ZNF595: variants seen among roughly 807,000 people sequenced by gnomAD.
The protein encoded by ZNF595 is zinc finger protein 595.
A neutral mutation model predicts 19.4 loss-of-function variants in ZNF595; 9 were observed. That is an observed-to-expected ratio of 0.46 (90% CI 0.28 to 0.81). The LOEUF (loss-of-function observed/expected upper bound fraction) is 0.81, where lower values mean the gene tolerates loss of function less well. Among genes scored for constraint, ZNF595 ranks in the 30% least tolerant of loss-of-function variants. ZNF595 has a pLI of 0.11. For synonymous variants in ZNF595, 255 were observed against 255.9 expected (o/e 1.00, Z 0.03); for missense variants, 729 against 736.0 (o/e 0.99, Z 0.11).
chr4:86,153 A>C lies in ZNF595; in HGVS notation c.649A>C (p.Lys217Gln). Residue 217 changes from lysine (K) to glutamine (Q), a missense_variant, in exon 4 of 4, where the codon AAA becomes CAA. Lys to Gln is a moderately conservative substitution (Grantham distance 53). Around this residue, in one of 2 missense-constraint regions of ZNF595, gnomAD observed 729 missense variants for 675.3 expected, o/e 1.08. Transcript: ENST00000610261. Reference sequence around the variant, plus strand: ...CTTTAATAGGTCCACATCACTTAGTAAACATAAGAGAATTCATACTGGAGA... The same window carrying C: ...CTTTAATAGGTCCACATCACTTAGTCAACATAAGAGAATTCATACTGGAGA... ...KAFNRSTSLS[K>Q]HKRIHTGEKP... 5.0e-6 allele frequency: 8 copies of C among 1,613,262 alleles called. No individual in the cohort carries two copies. The highest frequency in any genetic ancestry group is 6.8e-6 in the Non-Finnish European group (8 of 1,179,654).
intron 3 of ZNF595, among the ~76,000 whole-genome samples, chr4:82,299 T>G (rs1318158168): frequency 5.3e-5 from 8 of 151,996 alleles, no homozygotes; most frequent in Admixed American, 5.2e-4. Context: ...TCTTCATATT[T>G]GAAACTTTGA....
chr4:80,239 A>G (rs7664056), intron 3 of ZNF595, among the ~76,000 whole-genome samples: 15,083 of 152,164 alleles, frequency 0.099, 809 homozygotes, highest in South Asian at 0.17. Flanking sequence ...GGCTGGTCTC[A>G]AACTCCTGAC....
At position 86,981 on chromosome 4, in the gene ZNF595, G is replaced by T. The variant is rs374778353; in HGVS notation, c.1477G>T (p.Ala493Ser). The T allele has an allele frequency of 1.9e-6, 3 of 1,592,294 alleles. No homozygotes were observed. The highest frequency in any genetic ancestry group is 2.6e-6 in the Non-Finnish European group (3 of 1,170,576). Residue 493 changes from alanine (A) to serine (S), a missense_variant, in exon 4 of 4, where the codon GCA becomes TCA. This residue lies in a region of ZNF595 where 729 missense variants were observed against 675.3 expected (regional missense o/e 1.08). Transcript: ENST00000610261. ...EECGKAFIWS[A>S]SLNEHKNIHT... ...ATGTGGCAAAGCTTTCATATGGTCC[G>T]CAAGCCTGAATGAACATAAGAATAT...
In ZNF595 at chr4:87,078, T is replaced by C. The variant is rs1714240202; in HGVS notation, c.1574T>C (p.Ile525Thr). The C allele has an allele frequency of 5.6e-6, 9 of 1,612,524 alleles. No individual in the cohort carries two copies. Among genetic ancestry groups the C allele is most frequent in the Non-Finnish European group, 7.6e-6 (9 of 1,179,632 alleles). ...TTTAACCAATCCTCAGGCCTTATTA[T>C]ACACAGGAGCATTCATTCTGAACAA... ...KAFNQSSGLI[I>T]HRSIHSEQKL... Residue 525 changes from isoleucine to threonine, a missense_variant, in exon 4 of 4, where the codon ATA becomes ACA. Ile to Thr is a moderately conservative substitution (Grantham distance 89, BLOSUM62 -1). Coordinates refer to ENST00000610261, the MANE Select transcript of ZNF595 (RefSeq NM_182524.4).
At chr4:76,668 C>A (rs372031606) in intron 3 of ZNF595, among the ~76,000 whole-genome samples, 4 of 152,124 alleles carry the variant, frequency 2.6e-5, no homozygotes, top group Non-Finnish European at 5.9e-5. Flanking sequence ...CTGAGAATAT[C>A]TCGATTCATA....
Position 87,581 on chromosome 4 carries a change from T to C in ZNF595, c.*130T>C. The stretch of plus-strand genomic sequence containing the variant: ...TTAAAATTTCTGTAGGTACATAGTA[T>C]GTGTATCTATTCATGGCTTATTTGG... On this transcript the variant is annotated 3_prime_UTR_variant, in exon 4 of 4. Coordinates refer to ENST00000610261, the MANE Select transcript of ZNF595 (RefSeq NM_182524.4). 1.3e-6 allele frequency: 1 copy of C among 767,854 alleles called. No homozygotes were observed. 47.6% of individuals were successfully genotyped at this position (767,854 alleles called of 1,614,324 possible). A position where few individuals can be genotyped will look rare whatever the true frequency, so the allele number is the denominator to read the frequency against.
chr4:82,509 C>T (rs558655539), intron 3 of ZNF595, among the ~76,000 whole-genome samples: 7 of 150,126 alleles, frequency 4.7e-5, no homozygotes, highest in African/African-American at 7.3e-5. Context: ...CTCAGCCTGT[C>T]GAGTAGCTGG....
intron 3 of ZNF595, among the ~76,000 whole-genome samples, chr4:71,336 G>T (rs1261539966): frequency 6.6e-6 from 1 of 151,778 alleles, no homozygotes; most frequent in African/African-American, 2.4e-5. Context: ...TTGTCAAATT[G>T]TTCTGGCTGG....
chr4:73,482 A>T (rs1713513756), intron 3 of ZNF595, among the ~76,000 whole-genome samples: 1 of 152,192 alleles, frequency 6.6e-6, no homozygotes, highest in Non-Finnish European at 1.5e-5. Context: ...TTTGTTTATG[A>T]GGGAAAAATG....
At position 86,694 on chromosome 4, in the gene ZNF595, C is replaced by T; in HGVS notation, c.1190C>T (p.Thr397Ile). Residue 397 changes from threonine (T) to isoleucine (I), a missense_variant, in exon 4 of 4, where the codon ACA becomes ATA. Physicochemically the swap from Thr to Ile is moderately conservative, Grantham distance 89. Around this residue, in one of 2 missense-constraint regions of ZNF595, gnomAD observed 729 missense variants for 675.3 expected, o/e 1.08. Coordinates refer to ENST00000610261, the MANE Select transcript of ZNF595 (RefSeq NM_182524.4). Reference protein sequence around the residue: ...KRIHTGEKPYTCEECGKAFYR... With the variant: ...KRIHTGEKPYICEECGKAFYR... ...ATTCATACTGGAGAGAAACCCTACA[C>T]ATGTGAAGAATGTGGCAAAGCTTTT... 1.2e-6 allele frequency: 2 copies of T among 1,604,242 alleles called. No individual in the cohort carries two copies. Among genetic ancestry groups the T allele is most frequent in the South Asian group, 1.1e-5 (1 of 90,454 alleles).
chr4:81,364 C>G (rs556403900), intron 3 of ZNF595, among the ~76,000 whole-genome samples: 3 of 152,130 alleles, frequency 2.0e-5, no homozygotes, highest in East Asian at 3.9e-4. Context: ...TATACTTGTT[C>G]TGTTTGTATA....
In ZNF595 at chr4:86,122, C is replaced by T; in HGVS notation, c.618C>T (p.Gly206=). ...GEKPYKCEKC[G]KAFNRSTSLS... ...AACCCTACAAATGTGAAAAATGTGG[C>T]AAAGCCTTTAATAGGTCCACATCAC... Residue 206 remains glycine (G), a synonymous_variant, in exon 4 of 4, where the codon GGC becomes GGT. Transcript: ENST00000610261. 6.2e-7 allele frequency: 1 copy of T among 1,613,566 alleles called. No homozygotes were observed. The highest frequency in any genetic ancestry group is 1.3e-5 in the African/African-American group (1 of 75,016).
intron 3 of ZNF595, among the ~76,000 whole-genome samples, chr4:82,018 G>A (rs930721111): frequency 6.6e-6 from 1 of 152,146 alleles, no homozygotes; most frequent in Non-Finnish European, 1.5e-5. Context: ...GTGTAAGAGT[G>A]TGTATTTTTC....
intron 3 of ZNF595, among the ~76,000 whole-genome samples, chr4:74,520 G>A (rs1189413921): frequency 6.6e-6 from 1 of 152,198 alleles, no homozygotes; most frequent in Non-Finnish European, 1.5e-5. Context: ...TTTTGCCAAG[G>A]TTGAGGACAC....
Position 87,599 on chromosome 4 carries a change from T to G in ZNF595, c.*148T>G, listed in dbSNP as rs1714286822. On this transcript the variant is annotated 3_prime_UTR_variant, in exon 4 of 4. Transcript: ENST00000610261. ...CATAGTATGTGTATCTATTCATGGC[T>G]TATTTGGATTATTTTGATACAGGCA... is the stretch of plus-strand genomic sequence containing the variant. 3.3e-6 allele frequency: 2 copies of G among 613,246 alleles called. No individual in the cohort carries two copies. 38.0% of individuals were successfully genotyped at this position (613,246 alleles called of 1,614,324 possible). A position where few individuals can be genotyped will look rare whatever the true frequency, so the allele number is the denominator to read the frequency against.
chr4:65,145 G>C (rs1379975300), intron 3 of ZNF595, among the ~76,000 whole-genome samples: 57 of 146,316 alleles, frequency 3.9e-4, no homozygotes, highest in Non-Finnish European at 7.7e-4. Context: ...GTAATCTTCA[G>C]TAAGACCAAG....
intron 3 of ZNF595, among the ~76,000 whole-genome samples, chr4:74,433 A>G (rs1337002134): frequency 2.0e-5 from 3 of 152,158 alleles, no homozygotes; most frequent in Non-Finnish European, 4.4e-5. Context: ...TAGTATTATC[A>G]TATTTGTCTG....
intron 3 of ZNF595, among the ~76,000 whole-genome samples, chr4:66,783 C>G (rs1340992283): frequency 2.0e-5 from 3 of 152,184 alleles, no homozygotes; most frequent in Non-Finnish European, 4.4e-5. Context: ...GTTCTGTGTT[C>G]TGTTCCATCA....
intron 3 of ZNF595, among the ~76,000 whole-genome samples, chr4:74,922 A>G (rs13109067): frequency 0.082 from 12,499 of 152,108 alleles, 575 homozygotes; most frequent in South Asian, 0.17. Context: ...TCCTTTTACA[A>G]TATATTTATG....
Sources: gnomAD v4.1 joint callset for allele counts (sites outside exome capture counted in the v4.1 genomes callset) on GRCh38, gnomAD v4.1.1 for gene constraint, gnomAD v4.1.1 regional missense constraint, MANE v1.5 for transcripts, NCBI Gene and HGNC (gene_info 2026-07-23, HGNC 2026-07-21) for gene names.